Variants in ME3 observed in about 807,000 individuals in gnomAD.
ME3 encodes the protein NADP-dependent malic enzyme, mitochondrial.
Under a neutral mutation model 68.9 loss-of-function variants are expected in ME3, and 48 were observed. That is an observed-to-expected ratio of 0.70 (90% CI 0.55 to 0.89). The LOEUF is 0.89. Ranked by LOEUF, ME3 falls within the 40% of genes least tolerant of loss-of-function variation. The pLI is 0.00. For synonymous variants in ME3, 320 were observed against 318.8 expected (o/e 1.00, Z -0.04); for missense variants, 675 against 797.4 (o/e 0.85, Z 1.85).
chr11:86,449,494 TAAG>T (rs1432681020), intron 10 of ME3, among the ~76,000 whole-genome samples: 8 of 152,092 alleles, frequency 5.3e-5, no homozygotes, highest in Admixed American at 4.6e-4. Flanking sequence ...TATCAGAAGA[TAAG>T]GAGGAAACTG....
At chr11:86,450,149 C>G in intron 9 of ME3, 147 bp from the exon 10 acceptor site, 2 of 969,224 alleles carry the variant, frequency 2.1e-6, no homozygotes, top group South Asian at 1.6e-5. Flanking sequence ...TTGAGACACC[C>G]AATTGTCAGA....
At chr11:86,567,243 A>AAAGAAAGAAAGAAAGGAAGG (rs869098620) in intron 2 of ME3, among the ~76,000 whole-genome samples, 2 of 144,464 alleles carry the variant, frequency 1.4e-5, no homozygotes, top group Admixed American at 7.0e-5. Flanking sequence ...GAAAAGAAAG[A>AAAGAAAGAAAGAAAGGAAGG]AAGGAAGGAA....
chr11:86,594,580 G>T (rs1180869262), intron 2 of ME3, among the ~76,000 whole-genome samples: 1 of 145,754 alleles, frequency 6.9e-6, no homozygotes, highest in African/African-American at 2.5e-5. Context: ...TTATAGCCCA[G>T]CTACTTGGGA....
At chr11:86,651,050 G>A (rs1945381391) in intron 2 of ME3, among the ~76,000 whole-genome samples, 11 of 152,208 alleles carry the variant, frequency 7.2e-5, no homozygotes, top group Admixed American at 7.2e-4. Context: ...CTGGGGGAGG[G>A]GCACCCGCCA....
chr11:86,518,686 T>G (rs1412276705), intron 4 of ME3, among the ~76,000 whole-genome samples: 1 of 152,160 alleles, frequency 6.6e-6, no homozygotes, highest in African/African-American at 2.4e-5. Flanking sequence ...AAAGCTATAA[T>G]GGGGTGGTGG....
intron 2 of ME3, among the ~76,000 whole-genome samples, chr11:86,671,190 T>C (rs1354000957): frequency 1.3e-5 from 2 of 152,230 alleles, no homozygotes; most frequent in Non-Finnish European, 2.9e-5. Context: ...AGGTTTAAAC[T>C]AGGATCTCTA....
intron 2 of ME3, among the ~76,000 whole-genome samples, chr11:86,669,104 G>A (rs2135526233): frequency 6.6e-6 from 1 of 152,342 alleles, no homozygotes; most frequent in South Asian, 2.1e-4. Flanking sequence ...GAGCACTGGA[G>A]GACAACAGAA....
At chr11:86,489,419 A>G (rs2138948697) in intron 6 of ME3, among the ~76,000 whole-genome samples, 1 of 152,342 alleles carries the variant, frequency 6.6e-6, no homozygotes, top group Admixed American at 6.5e-5. Context: ...GCTATAAAAC[A>G]GTGGTAGCAG....
chr11:86,533,762 G>T (rs143284987), intron 4 of ME3, among the ~76,000 whole-genome samples: 3 of 152,158 alleles, frequency 2.0e-5, no homozygotes, highest in African/African-American at 7.2e-5. Flanking sequence ...CACAGTGGAT[G>T]TATGTTTTGG....
chr11:86,658,216 C>T (rs761265616), intron 2 of ME3, among the ~76,000 whole-genome samples: 2 of 151,924 alleles, frequency 1.3e-5, no homozygotes, highest in East Asian at 1.9e-4. Flanking sequence ...CTCCACCTCC[C>T]GAGTTCAAGC....
chr11:86,599,269 G>A (rs1960151495), intron 2 of ME3, among the ~76,000 whole-genome samples: 1 of 152,220 alleles, frequency 6.6e-6, no homozygotes, highest in Non-Finnish European at 1.5e-5. Flanking sequence ...AGCTGATGAA[G>A]CTGAAAGCCA....
At chr11:86,545,833 CAA>C (rs1217993117) in intron 4 of ME3, among the ~76,000 whole-genome samples, 2 of 152,188 alleles carry the variant, frequency 1.3e-5, no homozygotes, top group Middle Eastern at 3.4e-3. Flanking sequence ...CATATGGAAA[CAA>C]AAAAGAGCCC....
At chr11:86,661,102 G>A (rs926592419) in intron 2 of ME3, among the ~76,000 whole-genome samples, 1 of 152,200 alleles carries the variant, frequency 6.6e-6, no homozygotes, top group African/African-American at 2.4e-5. Context: ...ATTGCATGCT[G>A]GCTATGAGAT....
intron 2 of ME3, among the ~76,000 whole-genome samples, chr11:86,569,513 T>C (rs566934292): frequency 6.6e-6 from 1 of 152,162 alleles, no homozygotes; most frequent in Non-Finnish European, 1.5e-5. Context: ...GCACATGCGA[T>C]GTGTCTCCTA....
chr11:86,593,408 T>C (rs1442128213), intron 2 of ME3, among the ~76,000 whole-genome samples: 1 of 146,806 alleles, frequency 6.8e-6, no homozygotes, highest in Non-Finnish European at 1.5e-5. Flanking sequence ...ACAGCTATCA[T>C]TTCCTACTTG....
chr11:86,617,063 T>G (rs1047411231), intron 2 of ME3, among the ~76,000 whole-genome samples: 2 of 139,828 alleles, frequency 1.4e-5, no homozygotes, highest in African/African-American at 2.6e-5. Flanking sequence ...TTTTTTTTTT[T>G]TTTTTTTTTT....
chr11:86,597,357 A>G (rs769672437), intron 2 of ME3, among the ~76,000 whole-genome samples: 2 of 152,246 alleles, frequency 1.3e-5, no homozygotes, highest in African/African-American at 4.8e-5. Flanking sequence ...CAGCTTAACA[A>G]TTAGTCCATA....
chr11:86,652,327 T>G (rs1945501309), intron 2 of ME3, among the ~76,000 whole-genome samples: 1 of 152,124 alleles, frequency 6.6e-6, no homozygotes, highest in African/African-American at 2.4e-5. Context: ...GGAAAAAATG[T>G]TAAGGGCAGC....
At chr11:86,645,510 T>A (rs1371398314) in intron 2 of ME3, among the ~76,000 whole-genome samples, 1 of 152,162 alleles carries the variant, frequency 6.6e-6, no homozygotes, top group Non-Finnish European at 1.5e-5. Context: ...ATTTCTCCCC[T>A]TTGGGCAGGG....
Sources: allele counts gnomAD v4.1 joint callset (sites outside exome capture counted in the v4.1 genomes callset), GRCh38; gene constraint gnomAD v4.1.1; transcripts MANE v1.5; gene names NCBI Gene and HGNC (gene_info 2026-07-23, HGNC 2026-07-21).